Variants in LINC00305 observed in about 807,000 individuals in gnomAD.
LINC00305 encodes the protein long independently transcribed non-coding RNA 305.
chr18:64,141,363 G>A (rs1180565347), intron 1 of LINC00305, among the ~76,000 whole-genome samples: 2 of 152,078 alleles, frequency 1.3e-5, no homozygotes, highest in African/African-American at 4.8e-5. Flanking sequence ...CAAAGTAAGG[G>A]TGTATGTACA....
intron 1 of LINC00305, chr18:64,104,337 A>G (rs1340624186): frequency 6.6e-6 from 1 of 152,224 alleles, no homozygotes; most frequent in Non-Finnish European, 1.5e-5. Context: ...AGAAATTTGT[A>G]TAAAGAAATG....
intron 1 of LINC00305, among the ~76,000 whole-genome samples, chr18:64,130,267 G>A (rs2051403540): frequency 1.3e-5 from 2 of 152,018 alleles, no homozygotes; most frequent in African/African-American, 2.4e-5. Flanking sequence ...CTTAGTTCAA[G>A]GCTTTATACA....
chr18:64,143,157 C>A (rs961160368), intron 1 of LINC00305, among the ~76,000 whole-genome samples: 1 of 152,032 alleles, frequency 6.6e-6, no homozygotes, highest in Non-Finnish European at 1.5e-5. Context: ...ATGTATCTGG[C>A]CTTGGGTTAT....
chr18:64,099,431 C>T (rs1462289981), intron 1 of LINC00305, among the ~76,000 whole-genome samples: 1 of 152,106 alleles, frequency 6.6e-6, no homozygotes, highest in East Asian at 1.9e-4. Context: ...CTGCTGAGAA[C>T]TAAGTACAGG....
intron 1 of LINC00305, among the ~76,000 whole-genome samples, chr18:64,124,304 C>T (rs2051375410): frequency 6.6e-6 from 1 of 152,128 alleles, no homozygotes; most frequent in Non-Finnish European, 1.5e-5. Flanking sequence ...TTCTGTATCT[C>T]TCTCAACTGG....
At chr18:64,101,881 C>A (rs928866752) in intron 1 of LINC00305, among the ~76,000 whole-genome samples, 1 of 152,120 alleles carries the variant, frequency 6.6e-6, no homozygotes, top group Admixed American at 6.6e-5. Flanking sequence ...TAGGTTGTAG[C>A]CTACAAATGA....
chr18:64,084,429 C>T (rs899573659), intron 3 of LINC00305, among the ~76,000 whole-genome samples: 5 of 152,032 alleles, frequency 3.3e-5, no homozygotes, highest in Non-Finnish European at 5.9e-5. Context: ...GTAACAATAC[C>T]GCAAATGTTA....
At chr18:64,127,355 T>C (rs560166923) in intron 1 of LINC00305, 2 of 152,220 alleles carry the variant, frequency 1.3e-5, no homozygotes, top group South Asian at 4.2e-4. Flanking sequence ...AATAATGACA[T>C]GAGGTAATTT....
At chr18:64,099,019 T>A (rs181670093) in intron 1 of LINC00305, among the ~76,000 whole-genome samples, 241 of 152,252 alleles carry the variant, frequency 1.6e-3, no homozygotes, top group African/African-American at 5.6e-3. Flanking sequence ...GCAGAGAGGA[T>A]ATAGAGGGAT....
At chr18:64,136,435 A>AGAAGAGAGAATGAGAGTG (rs1481437106) in intron 1 of LINC00305, among the ~76,000 whole-genome samples, 1 of 152,176 alleles carries the variant, frequency 6.6e-6, no homozygotes, top group Non-Finnish European at 1.5e-5. Context: ...ACAGGGCGGC[A>AGAAGAGAGAATGAGAGTG]GAAGAGAGAA....
intron 1 of LINC00305, among the ~76,000 whole-genome samples, chr18:64,131,299 T>A (rs990917806): frequency 1.3e-5 from 2 of 152,232 alleles, no homozygotes; most frequent in African/African-American, 4.8e-5. Context: ...TTTTAGATTA[T>A]AATGGAAACC....
chr18:64,128,350 C>T (rs72949521), intron 1 of LINC00305, among the ~76,000 whole-genome samples: 10,717 of 149,216 alleles, frequency 0.072, 569 homozygotes, highest in Non-Finnish European at 0.12. Flanking sequence ...ACACCATCAC[C>T]TGCCACCTGT....
At chr18:64,130,305 A>G (rs2051403735) in intron 1 of LINC00305, among the ~76,000 whole-genome samples, 1 of 152,068 alleles carries the variant, frequency 6.6e-6, no homozygotes, top group South Asian at 2.1e-4. Context: ...TTGTTTACTC[A>G]ATTTTATGTA....
intron 1 of LINC00305, among the ~76,000 whole-genome samples, chr18:64,109,879 A>G (rs2051307702): frequency 6.6e-6 from 1 of 152,064 alleles, no homozygotes; most frequent in Non-Finnish European, 1.5e-5. Flanking sequence ...AGCTTGTCCA[A>G]CCTGTGGCCT....
chr18:64,102,213 G>T (rs897380673), intron 1 of LINC00305, among the ~76,000 whole-genome samples: 1 of 152,062 alleles, frequency 6.6e-6, no homozygotes, highest in African/African-American at 2.4e-5. Flanking sequence ...GAAGCCTAAA[G>T]GTCTGTCAGT....
intron 1 of LINC00305, among the ~76,000 whole-genome samples, chr18:64,113,904 T>G (rs1253556007): frequency 1.3e-5 from 2 of 152,236 alleles, no homozygotes; most frequent in African/African-American, 4.8e-5. Context: ...CCATTTCTAC[T>G]GGTATATTCA....
intron 1 of LINC00305, among the ~76,000 whole-genome samples, chr18:64,114,479 G>C (rs563963370): frequency 6.6e-6 from 1 of 152,206 alleles, no homozygotes; most frequent in African/African-American, 2.4e-5. Flanking sequence ...TACACTCTAC[G>C]TCTATACTGG....
Position 64,080,224 on chromosome 18 carries a change from G to A in LINC00305, n.719C>T, listed in dbSNP as rs534107194. On this transcript the variant is annotated non_coding_transcript_exon_variant, in exon 4 of 4. Coordinates refer to ENST00000666468, the Ensembl canonical transcript of LINC00305. ...AAGTCCCTGCCGTTTATCCAAAGGTGCTTCACAGTATGACCTCTGATCTCT... is the reference window on the plus strand; with the variant it reads ...AAGTCCCTGCCGTTTATCCAAAGGTACTTCACAGTATGACCTCTGATCTCT... 12 of 372,154 alleles carry A rather than the reference G, an allele frequency of 3.2e-5. 1 individual carries two copies. Among genetic ancestry groups the A allele is most frequent in the South Asian group, 2.0e-4 (10 of 49,046 alleles). 23.1% of individuals were successfully genotyped at this position (372,154 alleles called of 1,614,324 possible).
intron 1 of LINC00305, among the ~76,000 whole-genome samples, chr18:64,101,022 C>T (rs2144239994): frequency 6.6e-6 from 1 of 152,284 alleles, no homozygotes; most frequent in Non-Finnish European, 1.5e-5. Flanking sequence ...CCCTTGGATC[C>T]TCAGGAGCAC....
Sources: gnomAD v4.1 joint callset for allele counts (sites outside exome capture counted in the v4.1 genomes callset) on GRCh38, gnomAD v4.1.1 for gene constraint, MANE v1.5 for transcripts, NCBI Gene and HGNC (gene_info 2026-07-23, HGNC 2026-07-21) for gene names.